The following SSBP3 variants were observed in gnomAD, a reference collection of about 807,000 sequenced individuals.
The protein encoded by SSBP3 is single stranded DNA binding protein 3.
SSBP3 carries 5 observed loss-of-function variants against 69.6 expected under a neutral mutation model. The ratio of observed to expected loss-of-function variants is 0.07; its 90% CI spans 0.04 to 0.15. The LOEUF (loss-of-function observed/expected upper bound fraction) is 0.15. SSBP3 is among the 10% of genes least tolerant of loss of function. The pLI is 1.00. For missense variants in SSBP3, 312 were observed against 534.0 expected (o/e 0.58, Z 4.10); for synonymous variants, 196 against 193.4 (o/e 1.01, Z -0.11).
chr1:54,257,743 G>T (rs1644947475), intron 6 of SSBP3, among the ~76,000 whole-genome samples: 1 of 152,104 alleles, frequency 6.6e-6, no homozygotes, highest in Non-Finnish European at 1.5e-5. Flanking sequence ...AAAGGCTCGG[G>T]ATGCAGCTTC....
chr1:54,393,916 C>T (rs1207369416), intron 4 of SSBP3, among the ~76,000 whole-genome samples: 4 of 152,128 alleles, frequency 2.6e-5, no homozygotes, highest in Admixed American at 6.5e-5. Context: ...CCCACCACCA[C>T]GTCTGGCTAA....
At chr1:54,260,642 C>T (rs1018491587) in intron 5 of SSBP3, among the ~76,000 whole-genome samples, 1 of 152,212 alleles carries the variant, frequency 6.6e-6, no homozygotes, top group African/African-American at 2.4e-5. Flanking sequence ...AGAGGTGGCA[C>T]AAGCTTGCTC....
intron 14 of SSBP3, among the ~76,000 whole-genome samples, chr1:54,234,166 G>C (rs985188981): frequency 1.3e-5 from 2 of 150,890 alleles, no homozygotes; most frequent in Non-Finnish European, 3.0e-5. Flanking sequence ...GTTAAGAGTC[G>C]TCACCACTCC....
chr1:54,304,742 T>C (rs74889599), intron 4 of SSBP3, among the ~76,000 whole-genome samples: 1,620 of 152,088 alleles, frequency 0.011, 40 homozygotes, highest in African/African-American at 0.037. Flanking sequence ...AGGCTGAGGG[T>C]TGAGTTTGTG....
At chr1:54,271,615 G>A (rs1233162099) in intron 5 of SSBP3, among the ~76,000 whole-genome samples, 2 of 718 alleles carry the variant, frequency 2.8e-3, no homozygotes, top group Non-Finnish European at 4.5e-3. Context: ...CTCCCTGACG[G>A]CCGAGCTGGG....
chr1:54,267,835 G>A (rs1341914386), intron 5 of SSBP3, among the ~76,000 whole-genome samples: 2 of 152,164 alleles, frequency 1.3e-5, no homozygotes, highest in African/African-American at 2.4e-5. Flanking sequence ...ATCTGTGAGT[G>A]GCTCCTTCCA....
rs58429798 is a variant in SSBP3 at position 54,386,683 on chromosome 1, CTTTTTTTTTTT to C, written c.276+15167_276+15177del. On this transcript the variant is annotated intron_variant, in intron 4 of 17. Transcript: ENST00000610401. Reference sequence around the variant, plus strand: ...ATCCACAATGTATAAACTGATCCTACTTTTTTTTTTTTTTTTTTTTTAAGAGATGGAGTTTC... The same window carrying C: ...ATCCACAATGTATAAACTGATCCTACTTTTTTTTTTAAGAGATGGAGTTTC... 5.3e-5 allele frequency among the ~76,000 whole-genome samples: 4 copies of C among 76,136 alleles called. No homozygotes were observed. The East Asian group carries it at 1.4e-3, about 27-fold the overall frequency. The allele number at this position is 76,136 out of a possible 152,430, so 49.9% of individuals were successfully genotyped here.
At chr1:54,339,711 G>A (rs1490451556) in intron 4 of SSBP3, among the ~76,000 whole-genome samples, 2 of 152,008 alleles carry the variant, frequency 1.3e-5, no homozygotes, top group African/African-American at 2.4e-5. Context: ...TCAGGAGTTC[G>A]AGACCAGCCT....
intron 4 of SSBP3, among the ~76,000 whole-genome samples, chr1:54,337,372 A>C (rs1217674693): frequency 6.6e-6 from 1 of 151,668 alleles, no homozygotes; most frequent in Non-Finnish European, 1.5e-5. Context: ...CTCTCAAGGA[A>C]GAGGCGCAGG....
chr1:54,266,946 T>G (rs1345431876), intron 5 of SSBP3, among the ~76,000 whole-genome samples: 1 of 152,196 alleles, frequency 6.6e-6, no homozygotes, highest in African/African-American at 2.4e-5. Context: ...TCCTTGCTGA[T>G]GGTGTCCCCA....
At position 54,383,415 on chromosome 1, in the gene SSBP3, G is replaced by A. The variant is rs570503661; in HGVS notation, c.276+18446C>T. ...AAAAAAGAAAGAAAAAAGAAATAAAGAAGTCCCTGTACTACAGTGTGGCTA... is the reference window on the plus strand; with the variant it reads ...AAAAAAGAAAGAAAAAAGAAATAAAAAAGTCCCTGTACTACAGTGTGGCTA... On this transcript the variant is annotated intron_variant, in intron 4 of 17. Coordinates refer to ENST00000610401, the Ensembl canonical transcript of SSBP3. 1.1e-4 allele frequency among the ~76,000 whole-genome samples: 16 copies of A among 151,868 alleles called. No homozygotes were observed. In the South Asian group the frequency reaches 3.3e-3, roughly 32 times the overall value.
At chr1:54,237,476 G>C (rs1422009718) in intron 14 of SSBP3, 1 of 152,198 alleles carries the variant, frequency 6.6e-6, no homozygotes, top group Non-Finnish European at 1.5e-5. Flanking sequence ...CCTCAGACTT[G>C]AGAGACTCAA....
chr1:54,385,175 A>G (rs1169865407), intron 4 of SSBP3, among the ~76,000 whole-genome samples: 1 of 152,204 alleles, frequency 6.6e-6, no homozygotes, highest in Non-Finnish European at 1.5e-5. Context: ...GGACTAGGGA[A>G]GCTGGCACTT....
chr1:54,304,647 C>T (rs1645864253), intron 4 of SSBP3, among the ~76,000 whole-genome samples: 1 of 152,152 alleles, frequency 6.6e-6, no homozygotes, highest in Non-Finnish European at 1.5e-5. Flanking sequence ...CAGCCACAGG[C>T]AGAGGAGGAA....
At chr1:54,399,420 C>A (rs985332245) in intron 4 of SSBP3, among the ~76,000 whole-genome samples, 2 of 152,190 alleles carry the variant, frequency 1.3e-5, no homozygotes, top group Non-Finnish European at 2.9e-5. Flanking sequence ...ATGGAGTGAA[C>A]AACAAGCCTT....
chr1:54,245,062 A>G (rs1644709734), intron 9 of SSBP3, among the ~76,000 whole-genome samples: 1 of 152,212 alleles, frequency 6.6e-6, no homozygotes, highest in Non-Finnish European at 1.5e-5. Context: ...CAATCAATGA[A>G]AGACCGAAGA....
chr1:54,225,559 G>A (rs1477178837), exon 18 of SSBP3: 4 of 605,746 alleles, frequency 6.6e-6, no homozygotes, highest in African/African-American at 5.8e-5. Flanking sequence ...AAAAAACACA[G>A]AAACAGCTAC....
At chr1:54,411,373 G>A (rs1649984489), upstream of SSBP3, among the ~76,000 whole-genome samples, 1 of 151,984 alleles carries the variant, frequency 6.6e-6, no homozygotes, top group Non-Finnish European at 1.5e-5. Context: ...AGCTACTCGG[G>A]TGGCTGGGGC....
rs116532387 is a variant in SSBP3 at position 54,364,513 on chromosome 1, G to A, written c.276+37348C>T. Among the ~76,000 whole-genome samples, 366 of 152,270 alleles carry A rather than the reference G, an allele frequency of 2.4e-3. 2 individuals are homozygous for A. Among genetic ancestry groups the A allele is most frequent in the African/African-American group, 8.5e-3 (353 of 41,540 alleles). On this transcript the variant is annotated intron_variant, in intron 4 of 17. Transcript: ENST00000610401. ...CTGTTTAACAAAGAGGAAGGGGTGA[G>A]GCTTCTCAAAACAAAACACCAGCAG...
Sources: gnomAD v4.1 joint callset for allele counts (sites outside exome capture counted in the v4.1 genomes callset) on GRCh38, gnomAD v4.1.1 for gene constraint, MANE v1.5 for transcripts, NCBI Gene and HGNC (gene_info 2026-07-23, HGNC 2026-07-21) for gene names.